ADARB2: variants seen among roughly 807,000 people sequenced by gnomAD.
The protein encoded by ADARB2 is adenosine deaminase RNA specific B2 (inactive).
Under a neutral mutation model 62.2 loss-of-function variants are expected in ADARB2, and 25 were observed. That is an observed-to-expected ratio of 0.40 (90% confidence interval 0.29 to 0.56). The LOEUF (loss-of-function observed/expected upper bound fraction) is 0.56. Among genes scored for constraint, ADARB2 ranks in the 20% least tolerant of loss-of-function variants. ADARB2 has a pLI of 0.43. For synonymous variants in ADARB2, 572 were observed against 500.8 expected (o/e 1.14, Z -1.90); for missense variants, 1,071 against 1,077.4 (o/e 0.99, Z 0.08).
chr10:1,646,836 G>A (rs756799465), intron 1 of ADARB2, among the ~76,000 whole-genome samples: 1 of 152,204 alleles, frequency 6.6e-6, no homozygotes, highest in Non-Finnish European at 1.5e-5. Flanking sequence ...ATTGCTGTGT[G>A]CTCACCACAA....
At chr10:1,372,093 A>AATGTAGTAC (rs1444829827) in intron 2 of ADARB2, among the ~76,000 whole-genome samples, 2 of 152,238 alleles carry the variant, frequency 1.3e-5, no homozygotes, top group African/African-American at 4.8e-5. Context: ...GAATAAAGAA[A>AATGTAGTAC]ATGTAGTACA....
chr10:1,648,629 A>G (rs1421360965), intron 1 of ADARB2, among the ~76,000 whole-genome samples: 2 of 152,126 alleles, frequency 1.3e-5, no homozygotes, highest in African/African-American at 4.8e-5. Flanking sequence ...CCGTGGAAAC[A>G]TGTTTTCAGG....
At chr10:1,671,553 A>T (rs1834385076) in intron 1 of ADARB2, among the ~76,000 whole-genome samples, 1 of 152,096 alleles carries the variant, frequency 6.6e-6, no homozygotes, top group South Asian at 2.1e-4. Context: ...TAGAATCGGG[A>T]CAGGGCCAAC....
chr10:1,535,818 C>T (rs1483965670), intron 1 of ADARB2: 1 of 167,306 alleles, frequency 6.0e-6, no homozygotes, highest in Non-Finnish European at 1.5e-5. Flanking sequence ...TTCCCTTGCC[C>T]CGACCTCGCC....
At chr10:1,542,282 G>C (rs375134096) in intron 1 of ADARB2, among the ~76,000 whole-genome samples, 6 of 2,582 alleles carry the variant, frequency 2.3e-3, no homozygotes, top group African/African-American at 5.0e-3. Context: ...CGCCCAGACC[G>C]CACTCAGATG....
At position 1,460,729 on chromosome 10, in the gene ADARB2, A is replaced by G. The variant is rs1361696181; in HGVS notation, c.101-81569T>C. Reference sequence around the variant, plus strand: ...TGTGACCTGAATTTACCTGTGTAGCAAACCTGCCTGTGACCTGAGTTTACC... The same window carrying G: ...TGTGACCTGAATTTACCTGTGTAGCGAACCTGCCTGTGACCTGAGTTTACC... On this transcript the variant is annotated intron_variant, in intron 1 of 9. Transcript: ENST00000381312. Among the ~76,000 whole-genome samples, 11 of 90,242 alleles carry G rather than the reference A, an allele frequency of 1.2e-4. 1 individual carries two copies. The highest frequency in any genetic ancestry group is 5.3e-4 in the East Asian group (2 of 3,774). 59.2% of individuals were successfully genotyped at this position (90,242 alleles called of 152,430 possible).
At chr10:1,229,747 C>T (rs570455685) in intron 6 of ADARB2, among the ~76,000 whole-genome samples, 58 of 32,124 alleles carry the variant, frequency 1.8e-3, no homozygotes, top group African/African-American at 5.5e-3. Context: ...TTTGTATGTG[C>T]ACGTGATTAC....
chr10:1,340,107 G>A (rs868371604), intron 3 of ADARB2, among the ~76,000 whole-genome samples: 1,657 of 133,802 alleles, frequency 0.012, 51 homozygotes, highest in African/African-American at 0.044. Context: ...GGCAATAACC[G>A]GCATCCACCA....
chr10:1,556,149 C>G (rs886718714), intron 1 of ADARB2, among the ~76,000 whole-genome samples: 1 of 152,072 alleles, frequency 6.6e-6, no homozygotes, highest in Admixed American at 6.5e-5. Flanking sequence ...GATGAGGGGG[C>G]ACCTTCCCGT....
intron 1 of ADARB2, among the ~76,000 whole-genome samples, chr10:1,447,130 T>C (rs2131899245): frequency 6.6e-6 from 1 of 152,332 alleles, no homozygotes; most frequent in Admixed American, 6.5e-5. Context: ...AGGATTCAAT[T>C]AGCAGCCTTC....
intron 4 of ADARB2, among the ~76,000 whole-genome samples, chr10:1,262,146 G>A (rs1222992786): frequency 2.9e-5 from 3 of 104,762 alleles, no homozygotes. Context: ...CTGTGGTGGG[G>A]TGGGGGGAGG....
intron 1 of ADARB2, among the ~76,000 whole-genome samples, chr10:1,543,078 T>C (rs1386619331): frequency 6.6e-6 from 1 of 152,274 alleles, no homozygotes; most frequent in Non-Finnish European, 1.5e-5. Context: ...CTTCCCTGCC[T>C]GGGTTGTTGG....
chr10:1,505,473 A>G (rs1564310909), intron 1 of ADARB2, among the ~76,000 whole-genome samples: 1 of 152,024 alleles, frequency 6.6e-6, no homozygotes, highest in African/African-American at 2.4e-5. Context: ...GGGAGGCGAA[A>G]TGATTTCTCT....
chr10:1,448,512 T>C (rs1830998353), intron 1 of ADARB2, among the ~76,000 whole-genome samples: 1 of 152,192 alleles, frequency 6.6e-6, no homozygotes, highest in Non-Finnish European at 1.5e-5. Context: ...GGCAGGAAGC[T>C]CTTCTTCCCA....
intron 1 of ADARB2, among the ~76,000 whole-genome samples, chr10:1,427,877 C>T (rs1402148509): frequency 4.6e-5 from 7 of 152,192 alleles, no homozygotes; most frequent in Non-Finnish European, 7.3e-5. Flanking sequence ...GTCATACACA[C>T]TGCTCAACAA....
chr10:1,213,700 G>C (rs1837191881), intron 7 of ADARB2, among the ~76,000 whole-genome samples: 1 of 152,246 alleles, frequency 6.6e-6, no homozygotes, highest in Non-Finnish European at 1.5e-5. Flanking sequence ...TTTTCAAAAG[G>C]AGTCTAGAAT....
intron 2 of ADARB2, among the ~76,000 whole-genome samples, chr10:1,371,784 T>TAAAAA (rs71379114): frequency 2.4e-5 from 3 of 125,816 alleles, no homozygotes; most frequent in Non-Finnish European, 3.3e-5. Flanking sequence ...TATTAAAAAG[T>TAAAAA]AAAAAAAAAA....
At chr10:1,313,088 C>T (rs951886697) in intron 3 of ADARB2, among the ~76,000 whole-genome samples, 1 of 152,168 alleles carries the variant, frequency 6.6e-6, no homozygotes, top group African/African-American at 2.4e-5. Flanking sequence ...CATTCCTCAA[C>T]AAGCATCTGC....
chr10:1,500,668 G>A (rs907970853), intron 1 of ADARB2, among the ~76,000 whole-genome samples: 1 of 152,150 alleles, frequency 6.6e-6, no homozygotes, highest in Admixed American at 6.5e-5. Flanking sequence ...TAGATACACA[G>A]CAAAAACATT....
Sources: allele counts gnomAD v4.1 joint callset (sites outside exome capture counted in the v4.1 genomes callset), GRCh38; gene constraint gnomAD v4.1.1; transcripts MANE v1.5; gene names NCBI Gene and HGNC (gene_info 2026-07-23, HGNC 2026-07-21).